The following SPOCK1 variants were observed in gnomAD, a reference collection of about 807,000 sequenced individuals.
The protein encoded by SPOCK1 is testican-1.
In SPOCK1, 23 loss-of-function variants were observed where a neutral mutation model predicts 55.3. The observed-to-expected ratio is 0.42, with a 90% CI of 0.30 to 0.59. The LOEUF is 0.59. Ranked by LOEUF, SPOCK1 falls within the 20% of genes least tolerant of loss-of-function variation. The pLI is 0.22. For synonymous variants in SPOCK1, 226 were observed against 221.0 expected, an observed-to-expected ratio of 1.02 and a Z score of -0.20; for missense variants, 499 against 552.5, an observed-to-expected ratio of 0.90 and a Z score of 0.97.
intron 2 of SPOCK1, among the ~76,000 whole-genome samples, chr5:137,473,085 C>T (rs1213517727): frequency 1.3e-5 from 2 of 152,194 alleles, no homozygotes; most frequent in Non-Finnish European, 2.9e-5. Context: ...TGCTGTGACC[C>T]AGCAATTCCC....
At chr5:137,194,232 C>T (rs905505668) in intron 3 of SPOCK1, among the ~76,000 whole-genome samples, 1 of 152,204 alleles carries the variant, frequency 6.6e-6, no homozygotes, top group African/African-American at 2.4e-5. Flanking sequence ...GCTACAATAG[C>T]AACTTTTCTT....
rs190599474 is a variant in SPOCK1, at chr5:137,121,111, A to G, written c.348-8550T>C. On this transcript the variant is annotated intron_variant, in intron 4 of 10. Coordinates refer to ENST00000394945, the MANE Select transcript of SPOCK1 (RefSeq NM_004598.4). The stretch of plus-strand genomic sequence containing the variant: ...TTACTTTTTCAACAAACACTTATTA[A>G]TTACCTAGAATGAGCCAGAAATTGA... Among the ~76,000 whole-genome samples the G allele has an allele frequency of 1.9e-4, 29 of 152,340 alleles. 1 individual carries two copies. The Middle Eastern group carries it at 0.02, about 107-fold the overall frequency.
chr5:137,019,892 A>G (rs1486510513), intron 6 of SPOCK1, among the ~76,000 whole-genome samples: 1 of 152,042 alleles, frequency 6.6e-6, no homozygotes, highest in East Asian at 1.9e-4. Context: ...GTAACACACA[A>G]ACCCATATCA....
intron 3 of SPOCK1, among the ~76,000 whole-genome samples, chr5:137,187,411 T>C (rs948323195): frequency 6.6e-6 from 1 of 152,092 alleles, no homozygotes; most frequent in Non-Finnish European, 1.5e-5. Context: ...TCATTTAGAG[T>C]GTTGTCCTTT....
intron 2 of SPOCK1, among the ~76,000 whole-genome samples, chr5:137,390,248 T>C (rs1281627816): frequency 6.6e-6 from 1 of 152,152 alleles, no homozygotes; most frequent in Non-Finnish European, 1.5e-5. Flanking sequence ...GAAGTCAATC[T>C]GGGGAAATCA....
At chr5:137,042,350 G>T (rs1217278239) in intron 6 of SPOCK1, among the ~76,000 whole-genome samples, 1 of 152,084 alleles carries the variant, frequency 6.6e-6, no homozygotes, top group Non-Finnish European at 1.5e-5. Context: ...TATTTTTAGA[G>T]TAATAAAACT....
intron 2 of SPOCK1, among the ~76,000 whole-genome samples, chr5:137,486,425 C>T (rs916502169): frequency 1.3e-5 from 2 of 152,214 alleles, no homozygotes; most frequent in African/African-American, 2.4e-5. Flanking sequence ...CAACAGGTTT[C>T]CCTGACCTCC....
At chr5:136,984,027 G>GAGAAATGAGATCAATAAACAAAC (rs555380031) in intron 9 of SPOCK1, among the ~76,000 whole-genome samples, 188 of 152,280 alleles carry the variant, frequency 1.2e-3, no homozygotes, top group African/African-American at 4.4e-3. Flanking sequence ...ATCCCACATG[G>GAGAAATGAGATCAATAAACAAAC]AGAAATGAGA....
intron 4 of SPOCK1, among the ~76,000 whole-genome samples, chr5:137,121,700 T>C (rs1753687372): frequency 6.8e-6 from 1 of 146,704 alleles, no homozygotes. Context: ...TTTCCATATA[T>C]ATTTATAAAA....
At chr5:137,457,873 T>C (rs1465513771) in intron 2 of SPOCK1, among the ~76,000 whole-genome samples, 1 of 152,082 alleles carries the variant, frequency 6.6e-6, no homozygotes, top group East Asian at 1.9e-4. Flanking sequence ...GAGCTGCATA[T>C]GGGGGATAAA....
intron 2 of SPOCK1, among the ~76,000 whole-genome samples, chr5:137,378,175 C>T (rs1580893744): frequency 1.3e-5 from 2 of 152,204 alleles, no homozygotes; most frequent in Middle Eastern, 6.8e-3. Flanking sequence ...AACTCCCAAC[C>T]TCAGGTGATC....
At chr5:137,451,408 T>A (rs1753252725) in intron 2 of SPOCK1, among the ~76,000 whole-genome samples, 1 of 152,226 alleles carries the variant, frequency 6.6e-6, no homozygotes, top group South Asian at 2.1e-4. Context: ...CACAGTGCTA[T>A]TTACAATGTA....
chr5:137,251,761 A>G (rs78610056), intron 3 of SPOCK1, among the ~76,000 whole-genome samples: 1 of 152,206 alleles, frequency 6.6e-6, no homozygotes, highest in Non-Finnish European at 1.5e-5. Flanking sequence ...GCATAAAAAA[A>G]TTATAAAGCA....
At chr5:137,057,267 C>A (rs1432509271) in intron 6 of SPOCK1, among the ~76,000 whole-genome samples, 1 of 152,040 alleles carries the variant, frequency 6.6e-6, no homozygotes, top group Non-Finnish European at 1.5e-5. Flanking sequence ...CAGGGTTTTA[C>A]TCTAATTACT....
intron 2 of SPOCK1, among the ~76,000 whole-genome samples, chr5:137,418,953 A>C (rs74449381): frequency 0.08 from 12,172 of 152,128 alleles, 1,225 homozygotes; most frequent in African/African-American, 0.24. Context: ...TTAAGTCTTT[A>C]ATCCATCTTG....
intron 2 of SPOCK1, among the ~76,000 whole-genome samples, chr5:137,401,600 C>G (rs1751982409): frequency 6.7e-6 from 1 of 150,270 alleles, no homozygotes; most frequent in South Asian, 2.1e-4. Context: ...AAAAAATTCA[C>G]TGGGCACGGT....
chr5:137,367,455 C>T (rs11742701), intron 2 of SPOCK1, among the ~76,000 whole-genome samples: 19,459 of 152,216 alleles, frequency 0.13, 1,561 homozygotes, highest in East Asian at 0.27. Context: ...AGGCCCCAGA[C>T]AAGGCACCTG....
intron 2 of SPOCK1, among the ~76,000 whole-genome samples, chr5:137,394,415 T>C (rs1434755255): frequency 6.6e-6 from 1 of 152,334 alleles, no homozygotes. Context: ...TTGAAGAAAC[T>C]GAGGCACAGT....
At chr5:137,014,383 T>C (rs1006187781) in intron 6 of SPOCK1, among the ~76,000 whole-genome samples, 1 of 152,156 alleles carries the variant, frequency 6.6e-6, no homozygotes, top group Non-Finnish European at 1.5e-5. Context: ...AATGCAAAAA[T>C]GGCCTAAGAC....
Sources: allele counts gnomAD v4.1 joint callset (sites outside exome capture counted in the v4.1 genomes callset), GRCh38; gene constraint gnomAD v4.1.1; transcripts MANE v1.5; gene names NCBI Gene and HGNC (gene_info 2026-07-23, HGNC 2026-07-21).